Variants in POM121 observed in about 807,000 individuals in gnomAD.
The protein encoded by POM121 is POM121 transmembrane nucleoporin.
Under a neutral mutation model 81.3 loss-of-function variants are expected in POM121, and 32 were observed. The observed-to-expected ratio is 0.39, with a 90% confidence interval of 0.30 to 0.53. The LOEUF (loss-of-function observed/expected upper bound fraction) is 0.53. Ranked by LOEUF, POM121 falls within the 20% of genes least tolerant of loss-of-function variation. The pLI is 0.66. For synonymous variants in POM121, 514 were observed against 694.2 expected (o/e 0.74, Z 4.08); for missense variants, 1,138 against 1,614.6 (o/e 0.70, Z 5.06).
chr7:72,948,110 G>A lies in POM121; in HGVS notation c.*1876G>A, dbSNP rs1344622385. 10 of 1,379,776 alleles carry A rather than the reference G, an allele frequency of 7.2e-6. 1 individual carries two copies. The East Asian group carries it at 1.7e-4, about 23-fold the overall frequency. 85.5% of individuals were successfully genotyped at this position (1,379,776 alleles called of 1,614,324 possible). A position where few individuals can be genotyped will look rare whatever the true frequency, so the allele number is the denominator to read the frequency against. ...CCTCAGTTCCGCAGGCAGGACAGCC[G>A]GTCCGGGAACCCTGAGTGAGAATGA... On this transcript the variant is annotated 3_prime_UTR_variant, in exon 13 of 13. Transcript: ENST00000434423.
chr7:72,885,914 CT>C (rs1217146245), intron 1 of POM121, among the ~76,000 whole-genome samples: 4 of 151,660 alleles, frequency 2.6e-5, no homozygotes, highest in Middle Eastern at 3.2e-3. Flanking sequence ...TACTTTATAT[CT>C]TTTGTTGAGT....
chr7:72,926,657 C>T (rs782714347), intron 2 of POM121, 145 bp from the exon 3 acceptor site: 38 of 1,469,132 alleles, frequency 2.6e-5, no homozygotes, highest in Non-Finnish European at 3.5e-5. Flanking sequence ...GAAAAAGTAG[C>T]TTTACTTGCT....
intron 5 of POM121, among the ~76,000 whole-genome samples, chr7:72,937,336 A>G (rs1380409251): frequency 6.6e-6 from 1 of 151,954 alleles, no homozygotes; most frequent in Non-Finnish European, 1.5e-5. Context: ...GTGATTGAAA[A>G]TGCCGCTTAT....
At chr7:72,950,097 G>A (rs1165962406), downstream of POM121, 10 of 1,586,304 alleles carry the variant, frequency 6.3e-6, no homozygotes, top group Middle Eastern at 1.9e-4. Flanking sequence ...GGTACAGTGG[G>A]TGTTCATGCA....
intron 8 of POM121, 111 bp downstream of exon 8, chr7:72,940,079 T>C: frequency 2.8e-6 from 4 of 1,433,060 alleles, no homozygotes; most frequent in Non-Finnish European, 3.7e-6. Context: ...TTTGTTTTTG[T>C]TTTTTGAGAC....
At chr7:72,886,163 A>G (rs1360072534) in intron 1 of POM121, among the ~76,000 whole-genome samples, 10 of 151,156 alleles carry the variant, frequency 6.6e-5, no homozygotes, top group South Asian at 4.2e-4. Context: ...GTATTTATTT[A>G]TTTATTTATT....
chr7:72,949,951 A>C, downstream of POM121: 1 of 1,612,066 alleles, frequency 6.2e-7, no homozygotes, highest in Non-Finnish European at 8.5e-7. Flanking sequence ...CATGGCTGGG[A>C]GACAGCTGGC....
intron 3 of POM121, among the ~76,000 whole-genome samples, chr7:72,910,794 G>A (rs1161007671): frequency 3.9e-5 from 6 of 151,984 alleles, no homozygotes; most frequent in Non-Finnish European, 5.9e-5. Flanking sequence ...CTCCTTTTGC[G>A]GGGGTTAGGG....
intron 3 of POM121, among the ~76,000 whole-genome samples, chr7:72,894,637 G>GAGAGAC (rs1228907460): frequency 1.8e-5 from 2 of 110,406 alleles, no homozygotes; most frequent in Admixed American, 8.9e-5. Context: ...GAGAGAGAGA[G>GAGAGAC]AGAGAGAGAG....
intron 10 of POM121, among the ~76,000 whole-genome samples, chr7:72,941,406 G>A (rs1328311722): frequency 1.3e-5 from 2 of 149,348 alleles, no homozygotes; most frequent in Non-Finnish European, 3.0e-5. Flanking sequence ...AGGCCTTCAC[G>A]GCACTGCGCG....
At chr7:72,904,441 C>T (rs1347384245) in intron 3 of POM121, among the ~76,000 whole-genome samples, 1 of 152,172 alleles carries the variant, frequency 6.6e-6, no homozygotes, top group Admixed American at 6.5e-5. Context: ...TTCTGCCCTA[C>T]GTGAGTTCTG....
chr7:72,888,258 T>A (rs1790931074), intron 1 of POM121, among the ~76,000 whole-genome samples: 1 of 152,226 alleles, frequency 6.6e-6, no homozygotes, highest in African/African-American at 2.4e-5. Context: ...GCTTATCTAG[T>A]TCCAGGAAAA....
intron 3 of POM121, among the ~76,000 whole-genome samples, chr7:72,892,894 T>C (rs1465337581): frequency 6.6e-6 from 1 of 152,126 alleles, no homozygotes; most frequent in Non-Finnish European, 1.5e-5. Context: ...CTCTAACTCC[T>C]GACCTTGTGA....
At position 72,881,011 on chromosome 7, in the gene POM121, A is replaced by C. The variant is rs1160316525; in HGVS notation, c.-521+1126A>C. ...CGTGCTACCCATGAGAGTCTAACTC[A>C]TCTAATTACTACCTGATTATCTTAG... On this transcript the variant is annotated intron_variant, in intron 1 of 15. Transcript: ENST00000395270. 6.7e-5 allele frequency among the ~76,000 whole-genome samples: 6 copies of C among 90,174 alleles called. 1 individual carries two copies. The highest frequency in any genetic ancestry group is 1.5e-4 in the Non-Finnish European group (6 of 39,626). 59.2% of individuals were successfully genotyped at this position (90,174 alleles called of 152,430 possible). A position where few individuals can be genotyped will look rare whatever the true frequency, so the allele number is the denominator to read the frequency against.
chr7:72,950,159 G>A (rs1297126299), downstream of POM121: 1 of 1,607,644 alleles, frequency 6.2e-7, no homozygotes, highest in Non-Finnish European at 8.5e-7. Flanking sequence ...GGGTCCAGGA[G>A]AAAATGCTTC....
chr7:72,929,801 T>C, intron 4 of POM121, 139 bp from the exon 5 acceptor site: 1 of 1,310,196 alleles, frequency 7.6e-7, no homozygotes, highest in East Asian at 2.6e-5. Flanking sequence ...CAGATAGATT[T>C]GGCCAGATTG....
downstream of POM121, chr7:72,948,465 GA>G: frequency 8.7e-6 from 14 of 1,613,498 alleles, no homozygotes; most frequent in Non-Finnish European, 1.2e-5. Flanking sequence ...CACCAGGAAG[GA>G]GTGAGCCCGG....
At chr7:72,898,979 C>CTTTTTTTTTTTTTTTTTT (rs1176371162) in intron 3 of POM121, among the ~76,000 whole-genome samples, 3 of 34,096 alleles carry the variant, frequency 8.8e-5, no homozygotes, top group Non-Finnish European at 1.5e-4. Context: ...CTTTTCTTTT[C>CTTTTTTTTTTTTTTTTTT]TTTTTTTTTT....
chr7:72,933,108 T>C (rs1796183071), intron 5 of POM121, among the ~76,000 whole-genome samples: 1 of 150,404 alleles, frequency 6.6e-6, no homozygotes, highest in South Asian at 2.1e-4. Flanking sequence ...TCCCAGCACT[T>C]TGGGAGGCTG....
Sources: gnomAD v4.1 joint callset for allele counts (sites outside exome capture counted in the v4.1 genomes callset) on GRCh38, gnomAD v4.1.1 for gene constraint, MANE v1.5 for transcripts, NCBI Gene and HGNC (gene_info 2026-07-23, HGNC 2026-07-21) for gene names.